Variants in KCNIP1 observed in about 807,000 individuals in gnomAD.
The protein encoded by KCNIP1 is potassium voltage-gated channel interacting protein 1.
Under a neutral mutation model 33.0 loss-of-function variants are expected in KCNIP1, and 18 were observed. The observed-to-expected ratio is 0.55, with a 90% CI of 0.38 to 0.81. The LOEUF (loss-of-function observed/expected upper bound fraction) is 0.81. KCNIP1 is among the 30% of genes least tolerant of loss of function. KCNIP1 has a pLI of 0.00. For missense variants in KCNIP1, 238 were observed against 271.6 expected (o/e 0.88, Z 0.87); for synonymous variants, 93 against 98.3 (o/e 0.95, Z 0.32).
chr5:170,676,015 C>T (rs1051509039), intron 1 of KCNIP1, among the ~76,000 whole-genome samples: 3 of 145,490 alleles, frequency 2.1e-5, no homozygotes, highest in South Asian at 4.5e-4. Context: ...AGAGCTTGGG[C>T]GGACTGTGAA....
chr5:170,594,642 C>T (rs1484195417), intron 1 of KCNIP1, among the ~76,000 whole-genome samples: 3 of 152,254 alleles, frequency 2.0e-5, no homozygotes, highest in Middle Eastern at 3.4e-3. Flanking sequence ...TCCTGAGTAG[C>T]TGGGATTACA....
intron 1 of KCNIP1, among the ~76,000 whole-genome samples, chr5:170,364,730 C>A (rs1561585392): frequency 6.6e-6 from 1 of 152,164 alleles, no homozygotes. Context: ...ACTGCTCCTG[C>A]AATAATATTA....
At chr5:170,447,266 A>G (rs963036750) in intron 1 of KCNIP1, among the ~76,000 whole-genome samples, 2 of 152,226 alleles carry the variant, frequency 1.3e-5, no homozygotes, top group Admixed American at 6.5e-5. Flanking sequence ...TATTGCCCCA[A>G]ATGACTGAAT....
rs1350932735 is a variant in KCNIP1 at position 170,551,860 on chromosome 5, GTGTT to G, written c.61+47230_61+47233del. 4.7e-5 allele frequency among the ~76,000 whole-genome samples: 7 copies of G among 147,496 alleles called. No individual in the cohort carries two copies. In the South Asian group the frequency reaches 8.7e-4, roughly 18 times the overall value. On this transcript the variant is annotated intron_variant, in intron 1 of 7. Transcript: ENST00000328939. ...CGTGTTAGTGCATGTGTGAGACTGT[GTGTT>G]TGAGTGTGTGTGTGTATATGAATGT...
intron 1 of KCNIP1, among the ~76,000 whole-genome samples, chr5:170,560,916 T>G (rs1396206747): frequency 1.3e-5 from 2 of 152,222 alleles, no homozygotes; most frequent in African/African-American, 4.8e-5. Context: ...TCTCCCTCAC[T>G]ACAGGCTTCT....
chr5:170,580,663 G>A (rs1290186520), intron 1 of KCNIP1, among the ~76,000 whole-genome samples: 1 of 152,188 alleles, frequency 6.6e-6, no homozygotes, highest in East Asian at 1.9e-4. Context: ...AATAGAGGAA[G>A]GACTGGAGGA....
At chr5:170,578,188 GA>G (rs1404064090) in intron 1 of KCNIP1, among the ~76,000 whole-genome samples, 11 of 152,214 alleles carry the variant, frequency 7.2e-5, no homozygotes, top group African/African-American at 2.7e-4. Flanking sequence ...GAGAAGGGGG[GA>G]AAGAAAACTA....
intron 1 of KCNIP1, among the ~76,000 whole-genome samples, chr5:170,423,141 C>T (rs1730183967): frequency 6.6e-6 from 1 of 152,154 alleles, no homozygotes; most frequent in Non-Finnish European, 1.5e-5. Flanking sequence ...CTCACAGAAC[C>T]CTCACTGCTC....
chr5:170,721,753 C>T (rs747886041), intron 3 of KCNIP1, 80 bp from the exon 4 acceptor site: 28 of 1,613,998 alleles, frequency 1.7e-5, no homozygotes, highest in East Asian at 2.2e-5. Context: ...TCTTTCTTGT[C>T]GAAGCCCTGC....
intron 1 of KCNIP1, among the ~76,000 whole-genome samples, chr5:170,399,426 T>C (rs1357818456): frequency 6.6e-6 from 1 of 152,104 alleles, no homozygotes; most frequent in Admixed American, 6.5e-5. Context: ...TAAACAGGGG[T>C]TTCTATAACA....
chr5:170,566,461 A>G (rs1757208378), intron 1 of KCNIP1, among the ~76,000 whole-genome samples: 1 of 152,214 alleles, frequency 6.6e-6, no homozygotes, highest in Non-Finnish European at 1.5e-5. Flanking sequence ...CATTAAACTG[A>G]GCCTCAGAGA....
intron 1 of KCNIP1, among the ~76,000 whole-genome samples, chr5:170,380,026 A>C (rs899011210): frequency 6.6e-6 from 1 of 152,222 alleles, no homozygotes; most frequent in Non-Finnish European, 1.5e-5. Flanking sequence ...GTGTACAGCA[A>C]ACAAACTATG....
chr5:170,574,811 C>T (rs1215874247), intron 1 of KCNIP1, among the ~76,000 whole-genome samples: 1 of 152,174 alleles, frequency 6.6e-6, no homozygotes, highest in East Asian at 1.9e-4. Context: ...CACCAGTTCA[C>T]TTCACATGCA....
chr5:170,433,907 G>A (rs1305645288), intron 1 of KCNIP1, among the ~76,000 whole-genome samples: 1 of 152,046 alleles, frequency 6.6e-6, no homozygotes, highest in Non-Finnish European at 1.5e-5. Context: ...CCACCTGGCT[G>A]TAGAGACCAC....
At chr5:170,380,100 G>A (rs314159) in intron 1 of KCNIP1, among the ~76,000 whole-genome samples, 48,026 of 152,152 alleles carry the variant, frequency 0.32, 7,825 homozygotes, top group South Asian at 0.41. Flanking sequence ...AAAGAGTTTT[G>A]TGCCAGCAGA....
At chr5:170,530,203 T>G (rs907611187) in intron 1 of KCNIP1, among the ~76,000 whole-genome samples, 1 of 152,196 alleles carries the variant, frequency 6.6e-6, no homozygotes, top group Non-Finnish European at 1.5e-5. Context: ...ATTGTTTAGA[T>G]GGCAACACAG....
intron 1 of KCNIP1, chr5:170,712,821 G>C (rs766818464): frequency 6.2e-7 from 1 of 1,610,798 alleles, no homozygotes; most frequent in Non-Finnish European, 8.5e-7. Context: ...TCGATGAATC[G>C]ATTTGGTAAA....
intron 1 of KCNIP1, among the ~76,000 whole-genome samples, chr5:170,358,467 G>A (rs917835553): frequency 6.6e-6 from 1 of 152,130 alleles, no homozygotes; most frequent in Non-Finnish European, 1.5e-5. Context: ...CCTTGGACCC[G>A]GGCATGGACT....
intron 1 of KCNIP1, among the ~76,000 whole-genome samples, chr5:170,456,303 C>A (rs899440121): frequency 6.6e-6 from 1 of 151,836 alleles, no homozygotes; most frequent in Non-Finnish European, 1.5e-5. Context: ...ACACCGGGGC[C>A]TGTCGGAGGG....
Sources: allele counts gnomAD v4.1 joint callset (sites outside exome capture counted in the v4.1 genomes callset), GRCh38; gene constraint gnomAD v4.1.1; transcripts MANE v1.5; gene names NCBI Gene and HGNC (gene_info 2026-07-23, HGNC 2026-07-21).